KIR3DL3: variants seen among roughly 807,000 people sequenced by gnomAD.
KIR3DL3 encodes killer cell immunoglobulin like receptor, three Ig domains and long cytoplasmic tail 3.
KIR3DL3 carries 27 observed loss-of-function variants against 34.9 expected under a neutral mutation model. That is an observed-to-expected ratio of 0.77 (90% CI 0.57 to 1.07). KIR3DL3 has a LOEUF of 1.07. Among genes scored for constraint, KIR3DL3 ranks in the 50% least tolerant of loss-of-function variants. The pLI is 0.00. For synonymous variants in KIR3DL3, 217 were observed against 200.2 expected (o/e 1.08, Z -0.71); for missense variants, 681 against 528.5 (o/e 1.29, Z -2.83).
chr19:54,736,339 G>C lies in KIR3DL3; in HGVS notation c.*243G>C. 1.8e-6 allele frequency: 1 copy of C among 563,130 alleles called. No homozygotes were observed. Among genetic ancestry groups the C allele is most frequent in the Admixed American group, 3.3e-5 (1 of 30,690 alleles). The allele number at this position is 563,130 out of a possible 1,614,324, so 34.9% of individuals were successfully genotyped here. On this transcript the variant is annotated 3_prime_UTR_variant, in exon 8 of 8. Transcript: ENST00000291860. ...CTTACAAATGTCTAAGGTCCCCACT[G>C]CCTGCTGGAGAGAAAACACACTTGC... is the stretch of plus-strand genomic sequence containing the variant.
intron 4 of KIR3DL3, among the ~76,000 whole-genome samples, chr19:54,729,154 T>C (rs1600187792): frequency 6.8e-6 from 1 of 146,590 alleles, no homozygotes. Flanking sequence ...CAATAGATAA[T>C]AGATAGAAAT....
intron 3 of KIR3DL3, among the ~76,000 whole-genome samples, 177 bp from the exon 4 acceptor site, chr19:54,727,434 G>A (rs2068308057): frequency 7.3e-6 from 1 of 137,134 alleles, no homozygotes; most frequent in Admixed American, 8.3e-5. Flanking sequence ...AGACAGGGAA[G>A]AGGGAGGGAG....
In KIR3DL3 at chr19:54,735,607, G is replaced by A. The variant is rs576168009; in HGVS notation, c.1055-213G>A. Among the ~76,000 whole-genome samples the A allele has an allele frequency of 4.6e-5, 6 of 129,776 alleles. 1 individual carries two copies. The East Asian group carries it at 9.9e-4, about 21-fold the overall frequency. 85.1% of individuals were successfully genotyped at this position (129,776 alleles called of 152,430 possible). On this transcript the variant is annotated intron_variant, in intron 6 of 7. Coordinates refer to ENST00000291860, the MANE Select transcript of KIR3DL3 (RefSeq NM_153443.5). ...CATCCAGGAGAAGGTTCCATGACAG[G>A]CAGAAAGTGGGACACAGAATCAATA...
At chr19:54,735,384 G>C (rs1163252355) in intron 6 of KIR3DL3, 27 bp downstream of exon 6, 1 of 1,085,170 alleles carries the variant, frequency 9.2e-7, no homozygotes, top group Middle Eastern at 2.0e-4. Flanking sequence ...AGAAGCCAGA[G>C]AGCTCAGGGC....
intron 5 of KIR3DL3, among the ~76,000 whole-genome samples, chr19:54,733,208 G>A (rs2069020492): frequency 6.6e-6 from 1 of 152,034 alleles, no homozygotes. Context: ...AGACACATGA[G>A]GGGTGGTGCA....
Position 54,727,772 on chromosome 19 carries a change from G to A in KIR3DL3, c.517G>A (p.Asp173Asn), listed in dbSNP as rs1277875430. 7.1e-5 allele frequency: 115 copies of A among 1,613,490 alleles called. No individual in the cohort carries two copies. The highest frequency in any genetic ancestry group is 5.4e-4 in the South Asian group (49 of 91,040). Reference sequence around the variant, plus strand: ...CTTGCGCCTCGTTGGACAGCTCCACGATGCGGGTTCCCAGGTCAACTATTC... The same window carrying A: ...CTTGCGCCTCGTTGGACAGCTCCACAATGCGGGTTCCCAGGTCAACTATTC... The part of the protein sequence containing the change: ...DPLRLVGQLH[D>N]AGSQVNYSMG... Residue 173 changes from aspartate (D) to asparagine (N), a missense_variant, in exon 4 of 8, where the codon GAT (aspartate) becomes AAT (asparagine). Transcript: ENST00000291860.
At chr19:54,725,306 G>A in intron 2 of KIR3DL3, 24 bp downstream of exon 2, 1 of 1,545,958 alleles carries the variant, frequency 6.5e-7, no homozygotes, top group Non-Finnish European at 8.7e-7. Context: ...CCAAACCTTA[G>A]GTTGTCATCT....
Position 54,729,530 on chromosome 19 carries a change from C to A in KIR3DL3, c.693C>A (p.Gly231=). ...YGKPSLSAQP[G]PTVQAGENVT... ...AACCTTCTCTCTCAGCCCAGCCGGG[C>A]CCCACGGTTCAGGCAGGAGAGAATG... Residue 231 remains glycine, a synonymous_variant, in exon 5 of 8, where the codon GGC becomes GGA. Coordinates refer to ENST00000291860, the MANE Select transcript of KIR3DL3 (RefSeq NM_153443.5). 3 of 1,606,234 alleles carry A rather than the reference C, an allele frequency of 1.9e-6. No individual in the cohort carries two copies. The highest frequency in any genetic ancestry group is 1.1e-5 in the South Asian group (1 of 90,212).
intron 5 of KIR3DL3, among the ~76,000 whole-genome samples, chr19:54,733,929 C>T (rs1422950219): frequency 1.3e-5 from 2 of 152,094 alleles, no homozygotes; most frequent in South Asian, 2.1e-4. Flanking sequence ...GGTCACATTT[C>T]GTACTAACTC....
chr19:54,734,176 A>G (rs2069161044), intron 5 of KIR3DL3, among the ~76,000 whole-genome samples: 1 of 151,576 alleles, frequency 6.6e-6, no homozygotes, highest in African/African-American at 2.4e-5. Context: ...TTTTGAGTCA[A>G]GAGGGTTGTG....
intron 6 of KIR3DL3, 139 bp from the exon 7 acceptor site, chr19:54,735,681 G>A (rs1233648619): frequency 4.5e-6 from 4 of 882,532 alleles, no homozygotes; most frequent in East Asian, 2.4e-5. Flanking sequence ...AGCTCAGAGA[G>A]ATAGAATGTC....
intron 5 of KIR3DL3, among the ~76,000 whole-genome samples, chr19:54,734,677 TAA>T (rs1278677339): frequency 2.0e-5 from 3 of 147,058 alleles, no homozygotes; most frequent in Non-Finnish European, 4.5e-5. Flanking sequence ...GGGTAACTTC[TAA>T]AGACAAGAAA....
In KIR3DL3 at chr19:54,736,054, T is replaced by G; in HGVS notation, c.1191T>G (p.Pro397=). Reference sequence around the variant, plus strand: ...TCACACAGAGAAAAATCACTCGCCCTTCTCAGAGGCCCAAGACACCCCCAA... The same window carrying G: ...TCACACAGAGAAAAATCACTCGCCCGTCTCAGAGGCCCAAGACACCCCCAA... ...CVFTQRKITR[P]SQRPKTPPTD... is the part of the protein sequence containing the mutation. The change falls in exon 8 of 8, where the codon CCT becomes CCG. Residue 397 remains proline (P), a synonymous_variant. Coordinates refer to ENST00000291860, the MANE Select transcript of KIR3DL3 (RefSeq NM_153443.5). The G allele has an allele frequency of 5.6e-6, 9 of 1,613,724 alleles. No individual in the cohort carries two copies. Among genetic ancestry groups the G allele is most frequent in the Non-Finnish European group, 6.8e-6 (8 of 1,179,984 alleles).
chr19:54,736,022 T>G lies in KIR3DL3; in HGVS notation c.1159T>G (p.Cys387Gly), dbSNP rs545699217. The G allele has an allele frequency of 6.2e-6, 10 of 1,613,734 alleles. No homozygotes were observed. Among genetic ancestry groups the G allele is most frequent in the South Asian group, 5.5e-5 (5 of 91,062 alleles). Residue 387 changes from cysteine to glycine, a missense_variant, in exon 8 of 8, where the codon TGC becomes GGC. Coordinates refer to ENST00000291860, the MANE Select transcript of KIR3DL3 (RefSeq NM_153443.5). The stretch of plus-strand genomic sequence containing the variant: ...GGTGACATACGCACAGTTGAATCAC[T>G]GCGTTTTCACACAGAGAAAAATCAC... ...QEVTYAQLNH[C>G]VFTQRKITRP...
intron 2 of KIR3DL3, 110 bp downstream of exon 2, chr19:54,725,392 C>A: frequency 2.3e-6 from 2 of 860,010 alleles, no homozygotes; most frequent in Non-Finnish European, 1.7e-6. Context: ...CCATGGGAAG[C>A]CATGTGGGAA....
rs796883214 is a variant in KIR3DL3, at chr19:54,736,538, G to C, written c.*442G>C. 0.038 allele frequency: 5,614 copies of C among 146,664 alleles called. 180 individuals carry two copies. The highest frequency in any genetic ancestry group is 0.091 in the African/African-American group (2,538 of 27,760). 9.1% of individuals were successfully genotyped at this position (146,664 alleles called of 1,614,324 possible). A position where few individuals can be genotyped will look rare whatever the true frequency, so the allele number is the denominator to read the frequency against. ...ACGTGCTATTCCACCTTTCCTCAGA[G>C]TATCTTTCAGCCTTCTGTCAGCAGT... is the stretch of plus-strand genomic sequence containing the variant. On this transcript the variant is annotated 3_prime_UTR_variant, in exon 8 of 8. Transcript: ENST00000291860.
intron 2 of KIR3DL3, 137 bp from the exon 3 acceptor site, chr19:54,725,916 G>A (rs1600163078): frequency 1.6e-5 from 12 of 758,758 alleles, no homozygotes; most frequent in Non-Finnish European, 2.4e-5. Context: ...TATGCGGGAT[G>A]GGTCCTTCCT....
chr19:54,727,773 A>G lies in KIR3DL3; in HGVS notation c.518A>G (p.Asp173Gly). Reference sequence around the variant, plus strand: ...TTGCGCCTCGTTGGACAGCTCCACGATGCGGGTTCCCAGGTCAACTATTCC... The same window carrying G: ...TTGCGCCTCGTTGGACAGCTCCACGGTGCGGGTTCCCAGGTCAACTATTCC... ...DPLRLVGQLH[D>G]AGSQVNYSMG... Residue 173 changes from aspartate (D) to glycine (G), a missense_variant, in exon 4 of 8, where the codon GAT becomes GGT. Physicochemically the swap from Asp to Gly is moderately conservative, Grantham distance 94 (BLOSUM62 -1). Transcript: ENST00000291860. The G allele has an allele frequency of 6.2e-7, 1 of 1,613,536 alleles. No homozygotes were observed. The highest frequency in any genetic ancestry group is 8.5e-7 in the Non-Finnish European group (1 of 1,179,916).
chr19:54,726,472 A>G (rs374474329), intron 3 of KIR3DL3, 135 bp downstream of exon 3: 18 of 1,171,456 alleles, frequency 1.5e-5, no homozygotes, highest in East Asian at 4.7e-5. Flanking sequence ...GTACAGAGAA[A>G]TAGTTGCTGT....
Sources: gnomAD v4.1 joint callset for allele counts (sites outside exome capture counted in the v4.1 genomes callset) on GRCh38, gnomAD v4.1.1 for gene constraint, MANE v1.5 for transcripts, NCBI Gene and HGNC (gene_info 2026-07-23, HGNC 2026-07-21) for gene names.